The following NEMP2 variants were observed in gnomAD, a reference collection of about 807,000 sequenced individuals.
The protein encoded by NEMP2 is nuclear envelope integral membrane protein 2, also known as UPF0571 transmembrane protein.
In NEMP2, 53 loss-of-function variants were observed where a neutral mutation model predicts 54.2. The ratio of observed to expected loss-of-function variants is 0.98; its 90% confidence interval spans 0.78 to 1.23. NEMP2 has a LOEUF of 1.23. Among genes scored for constraint, NEMP2 ranks in the 50% most tolerant of loss-of-function variants. The pLI, the probability that NEMP2 is intolerant of heterozygous loss-of-function variation, is 0.00. For synonymous variants in NEMP2, 197 were observed against 190.3 expected (o/e 1.04, Z -0.29); for missense variants, 455 against 511.3 (o/e 0.89, Z 1.06).
chr2:190,482,530 T>C, the NEMP2 span, among the ~76,000 whole-genome samples: 3 of 152,056 alleles, frequency 2.0e-5, no homozygotes, highest in African/African-American at 7.2e-5. Context: ...TAAGCTTAAG[T>C]CAGTGGCAGA....
At chr2:190,563,136 C>T in the NEMP2 span, among the ~76,000 whole-genome samples, 3 of 152,208 alleles carry the variant, frequency 2.0e-5, no homozygotes, top group African/African-American at 7.2e-5. This position sits in a 1 kb window ranked among gnomAD's most constrained non-coding sequence, Gnocchi z 4.3. Flanking sequence ...CTCTTTTATA[C>T]AGCCCTGTGG....
chr2:190,587,879 A>G, the NEMP2 span, among the ~76,000 whole-genome samples: 2 of 152,142 alleles, frequency 1.3e-5, no homozygotes, highest in African/African-American at 4.8e-5. The surrounding 1 kb of genome is among the most constrained non-coding windows in gnomAD (Gnocchi z 5.4). Flanking sequence ...GGTCAACCTC[A>G]AATTTCTCCC....
At chr2:190,552,828 A>G in the NEMP2 span, among the ~76,000 whole-genome samples, 1 of 152,166 alleles carries the variant, frequency 6.6e-6, no homozygotes. Context: ...TGTAACTTCA[A>G]CAGTTTAGGG....
At chr2:190,642,246 G>A in the NEMP2 span, among the ~76,000 whole-genome samples, 4 of 152,066 alleles carry the variant, frequency 2.6e-5, no homozygotes, top group Non-Finnish European at 5.9e-5. This position sits in a 1 kb window ranked among gnomAD's most constrained non-coding sequence, Gnocchi z 4.1. Context: ...TTACAACAGA[G>A]ATTGCATTAT....
At chr2:190,645,059 C>G in the NEMP2 span, among the ~76,000 whole-genome samples, 2 of 152,148 alleles carry the variant, frequency 1.3e-5, no homozygotes, top group African/African-American at 4.8e-5. Context: ...CTACTCCTAA[C>G]AGGTAAAAAC....
the NEMP2 span, among the ~76,000 whole-genome samples, chr2:190,584,455 A>C: frequency 6.6e-6 from 1 of 152,214 alleles, no homozygotes; most frequent in Admixed American, 6.5e-5. This position sits in a 1 kb window ranked among gnomAD's most constrained non-coding sequence, Gnocchi z 4.2. Flanking sequence ...TACTCAGTAC[A>C]ATTATGGGTG....
At chr2:190,597,867 G>A in the NEMP2 span, among the ~76,000 whole-genome samples, 1 of 152,120 alleles carries the variant, frequency 6.6e-6, no homozygotes, top group Non-Finnish European at 1.5e-5. The surrounding 1 kb of genome is among the most constrained non-coding windows in gnomAD (Gnocchi z 4.7). Context: ...TGATTTGTAA[G>A]GCCACCAGTT....
Position 190,523,654 on chromosome 2 carries a change from C to T in NEMP2, c.213+1609G>A, listed in dbSNP as rs974478043. Among the ~76,000 whole-genome samples, 12 of 152,254 alleles carry T rather than the reference C, an allele frequency of 7.9e-5. No individual in the cohort carries two copies. The highest frequency in any genetic ancestry group is 3.9e-4 in the East Asian group (2 of 5,182). The stretch of plus-strand genomic sequence containing the variant: ...AGAGCTAAGTCTATGAAATTACACA[C>T]GCCTAGAACATCTTGTTTGTTAGAA... On this transcript the variant is annotated intron_variant, in intron 2 of 8. Transcript: ENST00000409150. The surrounding 1 kb of genome is among the most constrained non-coding windows in gnomAD (Gnocchi z 5.3).
the NEMP2 span, among the ~76,000 whole-genome samples, chr2:190,573,211 A>G: frequency 2.4e-4 from 36 of 152,140 alleles, no homozygotes; most frequent in Non-Finnish European, 3.4e-4. Context: ...TACTCTCCCT[A>G]TGCCTCTGAT....
At chr2:190,441,367 G>C in the NEMP2 span, among the ~76,000 whole-genome samples, 170 of 151,980 alleles carry the variant, frequency 1.1e-3, 1 homozygote, top group Non-Finnish European at 3.1e-4. Flanking sequence ...GGTGTACCGA[G>C]GCATTCAACG....
chr2:190,645,547 C>A, the NEMP2 span, among the ~76,000 whole-genome samples: 2 of 152,174 alleles, frequency 1.3e-5, no homozygotes, highest in Non-Finnish European at 2.9e-5. Context: ...CTAATAACAT[C>A]TACAAAATAC....
the NEMP2 span, among the ~76,000 whole-genome samples, chr2:190,454,963 T>C: frequency 8.8e-6 from 1 of 114,022 alleles, no homozygotes; most frequent in Non-Finnish European, 2.1e-5. This position sits in a 1 kb window ranked among gnomAD's most constrained non-coding sequence, Gnocchi z 4.6. Context: ...TGTATATGTA[T>C]ATGTATATGT....
the NEMP2 span, among the ~76,000 whole-genome samples, chr2:190,542,022 C>T: frequency 6.6e-6 from 1 of 152,004 alleles, no homozygotes; most frequent in Non-Finnish European, 1.5e-5. This position sits in a 1 kb window ranked among gnomAD's most constrained non-coding sequence, Gnocchi z 4.6. Flanking sequence ...CTCTCTTTGT[C>T]GTCTGAGTTT....
In NEMP2 at chr2:190,528,779, G is replaced by A. The variant is rs769526535; in HGVS notation, c.98-3401C>T. 1.3e-5 allele frequency among the ~76,000 whole-genome samples: 2 copies of A among 152,160 alleles called. No homozygotes were observed. The highest frequency in any genetic ancestry group is 4.8e-5 in the African/African-American group (2 of 41,438). ...CAATCAAATGCTCTCTTCAAATAAGGTTCTTTCCACTTGATCCTAAGACTG... is the reference window on the plus strand; with the variant it reads ...CAATCAAATGCTCTCTTCAAATAAGATTCTTTCCACTTGATCCTAAGACTG... On this transcript the variant is annotated intron_variant, in intron 1 of 8. Transcript: ENST00000409150. This position sits in a 1 kb window ranked among gnomAD's most constrained non-coding sequence, Gnocchi z 4.3.
chr2:190,636,522 C>T, the NEMP2 span, among the ~76,000 whole-genome samples: 17 of 152,306 alleles, frequency 1.1e-4, no homozygotes, highest in South Asian at 4.1e-4. Flanking sequence ...TTAACTGCAT[C>T]CATGCAAATC....
the NEMP2 span, among the ~76,000 whole-genome samples, chr2:190,603,727 T>C: frequency 1.3e-5 from 2 of 151,710 alleles, no homozygotes; most frequent in South Asian, 2.1e-4. Context: ...ACAACAATTA[T>C]AACAACAGCT....
chr2:190,445,858 G>A, the NEMP2 span, among the ~76,000 whole-genome samples: 2,560 of 149,748 alleles, frequency 0.017, 73 homozygotes, highest in African/African-American at 0.058. Flanking sequence ...CAAAAAGAAG[G>A]TCATTTTTTT....
the NEMP2 span, among the ~76,000 whole-genome samples, chr2:190,471,843 T>G: frequency 5.3e-5 from 8 of 152,036 alleles, no homozygotes; most frequent in Non-Finnish European, 8.8e-5. The surrounding 1 kb of genome is among the most constrained non-coding windows in gnomAD (Gnocchi z 4.7). Context: ...CACCCCCCAG[T>G]AGGGGCAGAC....
the NEMP2 span, among the ~76,000 whole-genome samples, chr2:190,605,603 C>T: frequency 6.6e-6 from 1 of 152,162 alleles, no homozygotes; most frequent in South Asian, 2.1e-4. Context: ...TCTTGAACTC[C>T]TGACCTCAGG....
Sources: allele counts gnomAD v4.1 joint callset (sites outside exome capture counted in the v4.1 genomes callset), GRCh38; gene constraint gnomAD v4.1.1; non-coding constraint Gnocchi (gnomAD v3.1); transcripts MANE v1.5; gene names NCBI Gene and HGNC (gene_info 2026-07-23, HGNC 2026-07-21).